Variants in SPEF2 observed in about 807,000 individuals in gnomAD.
SPEF2 encodes sperm flagellar and cilia associated 2.
In SPEF2, 187 loss-of-function variants were observed where a neutral mutation model predicts 224.6. That is an observed-to-expected ratio of 0.83 (90% CI 0.74 to 0.94). The LOEUF is 0.94. SPEF2 is among the 40% of genes least tolerant of loss of function. The pLI is 0.00. For synonymous variants in SPEF2, 715 were observed against 707.3 expected (o/e 1.01, Z -0.17); for missense variants, 2,170 against 2,135.6 (o/e 1.02, Z -0.32).
intron 19 of SPEF2, chr5:35,709,715 C>T (rs79920604): frequency 0.047 from 46,222 of 985,016 alleles, 1,228 homozygotes; most frequent in Admixed American, 0.052. Context: ...AGATCCTTAA[C>T]CGCTATGGAC....
intron 12 of SPEF2, 123 bp from the exon 13 acceptor site, chr5:35,694,165 T>C (rs2149540843): frequency 1.4e-6 from 1 of 714,074 alleles, no homozygotes. Context: ...TTAAAATCAT[T>C]AATGTTATAG....
chr5:35,798,687 G>A (rs1327558385), intron 33 of SPEF2, among the ~76,000 whole-genome samples: 1 of 151,978 alleles, frequency 6.6e-6, no homozygotes, highest in Non-Finnish European at 1.5e-5. Context: ...TCCACCTCCC[G>A]GGTTCAAGCA....
In SPEF2 at chr5:35,691,250, C is replaced by T. The variant is rs769864369; in HGVS notation, c.1738C>T (p.Gln580Ter). ...SGKTTILRSLQKDFPIQILSI... is the reference protein window; with the variant it reads ...SGKTTILRSL ...AAAAACTACCATTTTAAGGTCTCTA[C>T]AAAAAGGTAGAATTTCTTCTCCTAC... The change falls in exon 11 of 37, where the codon CAA (glutamine) becomes TAA (stop). Residue 580 changes from glutamine (Q) to a stop codon, truncating the protein, a stop_gained. Coordinates refer to ENST00000356031, the MANE Select transcript of SPEF2 (RefSeq NM_024867.4). LOFTEE classifies it high-confidence loss of function. The T allele has an allele frequency of 5.6e-6, 9 of 1,612,904 alleles. No homozygotes were observed. Among genetic ancestry groups the T allele is most frequent in the Non-Finnish European group, 7.6e-6 (9 of 1,179,212 alleles).
chr5:35,788,185 C>T lies in SPEF2; in HGVS notation c.4448-4155C>T, dbSNP rs374604298. On this transcript the variant is annotated intron_variant, in intron 30 of 36. Transcript: ENST00000356031. Reference sequence around the variant, plus strand: ...AAGCAACAAGTAGCTCTCCAGTGAACAGAGCCACCACCAAACTAATGATGA... The same window carrying T: ...AAGCAACAAGTAGCTCTCCAGTGAATAGAGCCACCACCAAACTAATGATGA... 15 of 702,964 alleles carry T rather than the reference C, an allele frequency of 2.1e-5. No individual in the cohort carries two copies. The African/African-American group carries it at 2.4e-4, about 11-fold the overall frequency. 43.5% of individuals were successfully genotyped at this position (702,964 alleles called of 1,614,324 possible).
rs1453683244 is a variant in SPEF2, at chr5:35,793,250, C to T, written c.4646C>T (p.Pro1549Leu). The T allele has an allele frequency of 3.1e-6, 5 of 1,614,134 alleles. No homozygotes were observed. The Admixed American group carries it at 5.0e-5, about 16-fold the overall frequency. The stretch of plus-strand genomic sequence containing the variant: ...GTAACCTCAATGCCTTGGCCCATTC[C>T]CTTGGAGGAGGAGCTCCTTGAGACC... Reference protein sequence around the residue: ...LLVTSMPWPIPLEEELLETLQ... With the variant: ...LLVTSMPWPILLEEELLETLQ... Residue 1549 changes from proline to leucine, a missense_variant, in exon 32 of 37, where the codon CCC (proline) becomes CTC (leucine). By Grantham distance (98) the Pro-to-Leu change is moderately conservative. Coordinates refer to ENST00000356031, the MANE Select transcript of SPEF2 (RefSeq NM_024867.4).
intron 20 of SPEF2, among the ~76,000 whole-genome samples, chr5:35,720,535 GACA>G (rs1450229952): frequency 2.0e-5 from 3 of 152,212 alleles, no homozygotes; most frequent in Admixed American, 2.0e-4. Flanking sequence ...ATTAAAACAA[GACA>G]ACAATTGTCT....
At chr5:35,739,770 A>AGAGAAGAGGAGC (rs1408059826) in intron 21 of SPEF2, 149 bp from the exon 22 acceptor site, 7 of 768,816 alleles carry the variant, frequency 9.1e-6, no homozygotes, top group Non-Finnish European at 1.4e-5. Flanking sequence ...GAGGCGTGTG[A>AGAGAAGAGGAGC]GAGAAGAGGA....
chr5:35,787,331 G>A (rs958667480), intron 30 of SPEF2, among the ~76,000 whole-genome samples: 1 of 151,802 alleles, frequency 6.6e-6, no homozygotes, highest in African/African-American at 2.4e-5. Context: ...TTAGGCAGGA[G>A]GGAAGGGATG....
chr5:35,628,585 G>T (rs760230600), intron 2 of SPEF2, 23 bp downstream of exon 2: 33 of 1,465,350 alleles, frequency 2.3e-5, no homozygotes, highest in Non-Finnish European at 3.0e-5. Flanking sequence ...ATTCCTTTTT[G>T]TTGTTGTTGT....
In SPEF2 at chr5:35,738,356, T is replaced by G. The variant is rs561639453; in HGVS notation, c.3064-1563T>G. The stretch of plus-strand genomic sequence containing the variant: ...GTTTTTATGGTTTTAGGTCTAACAT[T>G]CAAGTCTTTAATCCATCTTGAATTA... On this transcript the variant is annotated intron_variant, in intron 21 of 36. Transcript: ENST00000356031. Among the ~76,000 whole-genome samples, 301 of 152,002 alleles carry G rather than the reference T, an allele frequency of 2.0e-3. 2 individuals are homozygous for G. Among genetic ancestry groups the G allele is most frequent in the African/African-American group, 7.1e-3 (294 of 41,462 alleles).
At chr5:35,641,208 T>G (rs1746578138) in intron 2 of SPEF2, among the ~76,000 whole-genome samples, 1 of 152,096 alleles carries the variant, frequency 6.6e-6, no homozygotes, top group African/African-American at 2.4e-5. Flanking sequence ...CAGAAAAATT[T>G]TAGTGTAGCC....
chr5:35,705,746 A>G lies in SPEF2; in HGVS notation c.2603A>G (p.Glu868Gly). 6.4e-7 allele frequency: 1 copy of G among 1,563,430 alleles called. No individual in the cohort carries two copies. Among genetic ancestry groups the G allele is most frequent in the Non-Finnish European group, 8.7e-7 (1 of 1,149,470 alleles). The change falls in exon 18 of 37, where the codon GAA (glutamate) becomes GGA (glycine). Residue 868 changes from glutamate (E) to glycine (G), a missense_variant. By Grantham distance (98) the Glu-to-Gly change is moderately conservative. Coordinates refer to ENST00000356031, the MANE Select transcript of SPEF2 (RefSeq NM_024867.4). ...AAAATCAATGCTGAAATAGATAAGGAATCTTTATGTGAAAAAGTAAAAGAA... is the reference window on the plus strand; with the variant it reads ...AAAATCAATGCTGAAATAGATAAGGGATCTTTATGTGAAAAAGTAAAAGAA... Reference protein sequence around the residue: ...LIKINAEIDKESLCEKVKEIL... With the variant: ...LIKINAEIDKGSLCEKVKEIL...
At chr5:35,640,864 T>A (rs985986763) in intron 2 of SPEF2, among the ~76,000 whole-genome samples, 4 of 152,182 alleles carry the variant, frequency 2.6e-5, no homozygotes, top group Non-Finnish European at 5.9e-5. Flanking sequence ...TGGTGCTGGC[T>A]CCTCATTTAT....
intron 8 of SPEF2, among the ~76,000 whole-genome samples, chr5:35,664,333 G>A (rs1750145615): frequency 6.6e-6 from 1 of 150,800 alleles, no homozygotes; most frequent in Non-Finnish European, 1.5e-5. Context: ...AAAAGAAAGG[G>A]AAAAGAGAGA....
At chr5:35,650,161 T>C (rs550473575) in intron 6 of SPEF2, among the ~76,000 whole-genome samples, 1 of 152,286 alleles carries the variant, frequency 6.6e-6, no homozygotes, top group South Asian at 2.1e-4. Flanking sequence ...TATTAAAATT[T>C]CCTGACGGAA....
At chr5:35,753,912 A>G (rs2149729639) in intron 24 of SPEF2, 151 bp downstream of exon 24, 1 of 964,382 alleles carries the variant, frequency 1.0e-6, no homozygotes, top group Non-Finnish European at 1.5e-6. Context: ...AACTCACCAA[A>G]AAAGCTAGCC....
At chr5:35,716,192 C>T (rs1250223704) in intron 20 of SPEF2, among the ~76,000 whole-genome samples, 1 of 151,868 alleles carries the variant, frequency 6.6e-6, no homozygotes, top group Non-Finnish European at 1.5e-5. Context: ...AAGAGAATCT[C>T]ACCCTTCTCT....
At chr5:35,755,242 G>C (rs965233894) in intron 24 of SPEF2, among the ~76,000 whole-genome samples, 1 of 152,246 alleles carries the variant, frequency 6.6e-6, no homozygotes, top group Non-Finnish European at 1.5e-5. Flanking sequence ...ATTAAAGTGA[G>C]ATGCCTAAGC....
intron 10 of SPEF2, among the ~76,000 whole-genome samples, chr5:35,687,517 G>A (rs1211165750): frequency 2.0e-5 from 3 of 151,812 alleles, no homozygotes; most frequent in Non-Finnish European, 4.4e-5. Flanking sequence ...GAGTGCAGTG[G>A]CACAAATTTT....
Sources: gnomAD v4.1 joint callset for allele counts (sites outside exome capture counted in the v4.1 genomes callset) on GRCh38, gnomAD v4.1.1 for gene constraint, MANE v1.5 for transcripts, NCBI Gene and HGNC (gene_info 2026-07-23, HGNC 2026-07-21) for gene names.